The following NAV1 variants were observed in gnomAD, a reference collection of about 807,000 sequenced individuals.
The protein encoded by NAV1 is pore membrane and/or filament interacting like protein 3.
A neutral mutation model predicts 175.2 loss-of-function variants in NAV1; 18 were observed. The observed-to-expected ratio is 0.10, with a 90% CI of 0.07 to 0.15. NAV1 has a LOEUF of 0.15. NAV1 is among the 10% of genes least tolerant of loss of function. The probability of loss-of-function intolerance (pLI) is 1.00; values close to 1 mark genes in which losing one functional copy is unlikely to be tolerated. For missense variants in NAV1, 1,731 were observed against 2,436.6 expected (o/e 0.71, Z 6.10); for synonymous variants, 897 against 978.7 (o/e 0.92, Z 1.56).
chr1:201,623,745 G>A (rs1453949934), intron 1 of NAV1, 139 bp downstream of exon 3: 5 of 828,644 alleles, frequency 6.0e-6, no homozygotes, highest in African/African-American at 1.8e-5. Context: ...AAGAAGTTAG[G>A]TAGGTGGAGG....
chr1:201,804,548 C>G, intron 17 of NAV1, 51 bp downstream of exon 21: 1 of 1,412,222 alleles, frequency 7.1e-7, no homozygotes, highest in Non-Finnish European at 9.6e-7. Context: ...TTTGCCATAC[C>G]TTCCCTATTT....
At chr1:201,767,020 C>T (rs956051962) in intron 3 of NAV1, among the ~76,000 whole-genome samples, 15 of 151,628 alleles carry the variant, frequency 9.9e-5, no homozygotes, top group South Asian at 2.1e-4. Flanking sequence ...CAGGGTTTCA[C>T]GATGTTGGCC....
upstream of NAV1, among the ~76,000 whole-genome samples, chr1:201,646,866 T>C (rs550637082): frequency 6.6e-6 from 1 of 152,046 alleles, no homozygotes; most frequent in African/African-American, 2.4e-5. Flanking sequence ...GGGAGACAGA[T>C]AGAGACACAA....
exon 30 of NAV1, chr1:201,821,763 T>C (rs1048744812): frequency 1.3e-5 from 2 of 152,216 alleles, no homozygotes; most frequent in African/African-American, 4.8e-5. Context: ...TATGGAATCT[T>C]GCTTGTCAGG....
chr1:201,655,388 T>C (rs1281232473), intron 1 of NAV1, among the ~76,000 whole-genome samples: 1 of 152,250 alleles, frequency 6.6e-6, no homozygotes, highest in African/African-American at 2.4e-5. Flanking sequence ...CTGTTTGGAT[T>C]ACCCAGATGT....
chr1:201,758,632 C>T (rs1024821708), intron 3 of NAV1, among the ~76,000 whole-genome samples: 7 of 152,198 alleles, frequency 4.6e-5, no homozygotes, highest in African/African-American at 1.7e-4. Context: ...CTGGAGACTA[C>T]CTTTTTGTGC....
At chr1:201,557,321 G>A (rs148664433) in intron 1 of NAV1, among the ~76,000 whole-genome samples, 74 of 152,280 alleles carry the variant, frequency 4.9e-4, no homozygotes, top group Non-Finnish European at 5.6e-4. Context: ...AAGGGTTGGG[G>A]GATGTGCTTG....
chr1:201,718,414 C>T lies in NAV1; in HGVS notation c.885C>T (p.Asp295=). ...GCTCCCTGGAGATGACCTGCTACGA[C>T]AGCGATGATGCCAACCCACGCAGCG... The change falls in exon 3 of 30, where the codon GAC becomes GAT. Residue 295 remains aspartate (D), a synonymous_variant. Transcript: ENST00000367296. The surrounding 1 kb of genome is among the most constrained non-coding windows in gnomAD (Gnocchi z 4.8). 1 of 1,544,692 alleles carries T rather than the reference C, an allele frequency of 6.5e-7. No homozygotes were observed. The highest frequency in any genetic ancestry group is 8.8e-7 in the Non-Finnish European group (1 of 1,140,098).
In NAV1 at chr1:201,626,864, C is replaced by T. The variant is rs568725865; in HGVS notation, c.-100-2540C>T. ...CTTCTGGCATACAGAGTGCTGTCCACTCAGGCTGAGAAGTGAGGGCGGACA... is the reference window on the plus strand; with the variant it reads ...CTTCTGGCATACAGAGTGCTGTCCATTCAGGCTGAGAAGTGAGGGCGGACA... On this transcript the variant is annotated intron_variant, in intron 1 of 29. Transcript: ENST00000367302. Among the ~76,000 whole-genome samples, 72 of 152,330 alleles carry T rather than the reference C, an allele frequency of 4.7e-4. No homozygotes were observed. The South Asian group carries it at 0.015, about 31-fold the overall frequency.
At chr1:201,588,244 G>A (rs116314529) in intron 1 of NAV1, among the ~76,000 whole-genome samples, 278 of 152,306 alleles carry the variant, frequency 1.8e-3, no homozygotes, top group Non-Finnish European at 3.1e-3. Context: ...GGAATGAGGT[G>A]CTGACACATG....
chr1:201,624,659 T>C (rs2102283098), intron 1 of NAV1, among the ~76,000 whole-genome samples: 1 of 152,146 alleles, frequency 6.6e-6, no homozygotes, highest in East Asian at 1.9e-4. Context: ...TATGCTTTTT[T>C]TAAAAAATAA....
At chr1:201,785,219 C>T in intron 7 of NAV1, 91 bp from the exon 12 acceptor site, 2 of 1,394,390 alleles carry the variant, frequency 1.4e-6, no homozygotes, top group Non-Finnish European at 2.0e-6. Flanking sequence ...GGTCTGCATA[C>T]CTCACACCAA....
At chr1:201,582,028 G>A (rs585508) in intron 1 of NAV1, among the ~76,000 whole-genome samples, 7,727 of 151,926 alleles carry the variant, frequency 0.051, 467 homozygotes, top group East Asian at 0.16. Flanking sequence ...CCTGGGAGGC[G>A]GAGCTTGCAG....
chr1:201,561,338 G>T (rs1450576354), intron 1 of NAV1, among the ~76,000 whole-genome samples: 2 of 152,174 alleles, frequency 1.3e-5, no homozygotes, highest in African/African-American at 4.8e-5. Context: ...GGGTGATGTG[G>T]GAAAAGAAGG....
intron 7 of NAV1, among the ~76,000 whole-genome samples, chr1:201,784,318 C>T (rs946597002): frequency 1.3e-5 from 2 of 152,128 alleles, no homozygotes; most frequent in South Asian, 2.1e-4. Context: ...CCACCATGCA[C>T]GGCTAATTTT....
At chr1:201,818,833 A>G (rs184281384) in intron 29 of NAV1, among the ~76,000 whole-genome samples, 2 of 152,380 alleles carry the variant, frequency 1.3e-5, no homozygotes, top group East Asian at 3.9e-4. Flanking sequence ...TCCAATAATC[A>G]TAATACATTT....
chr1:201,672,395 C>T (rs192085131), intron 1 of NAV1, among the ~76,000 whole-genome samples: 225 of 152,192 alleles, frequency 1.5e-3, no homozygotes, highest in African/African-American at 5.3e-3. Flanking sequence ...CCTAAAAGAA[C>T]CTTCTTTCTA....
Position 201,810,139 on chromosome 1 carries a change from G to A in NAV1, c.4561+34G>A. Reference sequence around the variant, plus strand: ...TTGTCTCTTGGGGTGAGGTGGTGTGGCATGAAGGCAGGGACAGGATCATCA... The same window carrying A: ...TTGTCTCTTGGGGTGAGGTGGTGTGACATGAAGGCAGGGACAGGATCATCA... On this transcript the variant is annotated intron_variant, in intron 23 of 29. Coordinates refer to ENST00000367296, the Ensembl canonical transcript of NAV1. This position sits in a 1 kb window ranked among gnomAD's most constrained non-coding sequence, Gnocchi z 6.0. The A allele has an allele frequency of 1.2e-6, 2 of 1,608,642 alleles. No individual in the cohort carries two copies. Among genetic ancestry groups the A allele is most frequent in the Non-Finnish European group, 1.7e-6 (2 of 1,176,454 alleles).
intron 3 of NAV1, among the ~76,000 whole-genome samples, chr1:201,761,396 G>A (rs746991569): frequency 2.6e-5 from 4 of 152,164 alleles, no homozygotes; most frequent in African/African-American, 9.7e-5. Flanking sequence ...CCAGATCAGC[G>A]TTTCACACCA....
Sources: allele counts gnomAD v4.1 joint callset (sites outside exome capture counted in the v4.1 genomes callset), GRCh38; gene constraint gnomAD v4.1.1; non-coding constraint Gnocchi (gnomAD v3.1); transcripts MANE v1.5; gene names NCBI Gene and HGNC (gene_info 2026-07-23, HGNC 2026-07-21).